Variants in PLEKHA7 observed in about 807,000 individuals in gnomAD.
PLEKHA7 encodes the protein pleckstrin homology domain-containing family A member 7.
A neutral mutation model predicts 170.0 loss-of-function variants in PLEKHA7; 104 were observed. The observed-to-expected ratio is 0.61, with a 90% CI of 0.52 to 0.72. The LOEUF (loss-of-function observed/expected upper bound fraction) is 0.72, where lower values mean the gene tolerates loss of function less well. PLEKHA7 is among the 30% of genes least tolerant of loss of function. The pLI is 0.00. For missense variants in PLEKHA7, 1,615 were observed against 1,671.7 expected (o/e 0.97, Z 0.59); for synonymous variants, 648 against 660.8 (o/e 0.98, Z 0.30).
intron 3 of PLEKHA7, among the ~76,000 whole-genome samples, chr11:16,932,069 T>C (rs191937453): frequency 2.0e-5 from 3 of 152,240 alleles, no homozygotes; most frequent in East Asian, 1.9e-4. Flanking sequence ...TGAACTCTCA[T>C]AGATGTGAGT....
intron 3 of PLEKHA7, among the ~76,000 whole-genome samples, chr11:16,922,705 C>G (rs1040193536): frequency 6.6e-6 from 1 of 152,190 alleles, no homozygotes; most frequent in African/African-American, 2.4e-5. Flanking sequence ...GCCTAGGGAG[C>G]TTCTCCTGCC....
chr11:16,991,886 A>C (rs1864066596), intron 3 of PLEKHA7, among the ~76,000 whole-genome samples: 1 of 152,178 alleles, frequency 6.6e-6, no homozygotes, highest in South Asian at 2.1e-4. Flanking sequence ...GGCAGATGAC[A>C]GTGGCGTGGA....
Position 16,801,819 on chromosome 11 carries a change from T to C in PLEKHA7, c.2158-2A>G, listed in dbSNP as rs747784811. ...CTCCAGCACAGATTCTAGCTGGTCC[T>C]GCACCACGAAGGGCCAAAAAACAGC... On this transcript the variant is annotated splice_acceptor_variant, in intron 15 of 26. Transcript: ENST00000531066. LOFTEE classifies it high-confidence loss of function. 3 of 1,613,990 alleles carry C rather than the reference T, an allele frequency of 1.9e-6. No homozygotes were observed. The highest frequency in any genetic ancestry group is 2.5e-6 in the Non-Finnish European group (3 of 1,179,978).
intron 3 of PLEKHA7, among the ~76,000 whole-genome samples, chr11:17,003,533 C>T (rs1864804858): frequency 6.6e-6 from 1 of 152,156 alleles, no homozygotes. Flanking sequence ...CTTGCTAAAC[C>T]CTTTCCATCC....
In PLEKHA7 at chr11:16,791,225, T is replaced by C. The variant is rs771389069; in HGVS notation, c.2746-26A>G. 2.6e-6 allele frequency: 4 copies of C among 1,557,008 alleles called. No individual in the cohort carries two copies. Among genetic ancestry groups the C allele is most frequent in the Admixed American group, 3.8e-5 (2 of 52,814 alleles). On this transcript the variant is annotated intron_variant, in intron 19 of 26. Coordinates refer to ENST00000531066, the MANE Select transcript of PLEKHA7 (RefSeq NM_001329630.2). The surrounding 1 kb of genome is among the most constrained non-coding windows in gnomAD (Gnocchi z 4.5). ...CTGCTGAGAAAGAGAACCAGACCAG[T>C]GGTCAGCGAGACGGAGCTGGAGGGA... is the stretch of plus-strand genomic sequence containing the variant.
intron 3 of PLEKHA7, among the ~76,000 whole-genome samples, chr11:16,931,204 C>T (rs1356676268): frequency 4.6e-5 from 7 of 152,146 alleles, no homozygotes; most frequent in South Asian, 4.2e-4. Flanking sequence ...AGAACAACCC[C>T]ACGTTAGAAA....
At chr11:16,976,019 G>A (rs1298945611) in intron 3 of PLEKHA7, among the ~76,000 whole-genome samples, 1 of 152,210 alleles carries the variant, frequency 6.6e-6, no homozygotes, top group Non-Finnish European at 1.5e-5. Context: ...ACTCATGAAT[G>A]GTCTGCATCC....
Position 16,817,031 on chromosome 11 carries a change from G to C in PLEKHA7, c.1635C>G (p.Ser545=). 4 of 1,605,464 alleles carry C rather than the reference G, an allele frequency of 2.5e-6. No individual in the cohort carries two copies. Among genetic ancestry groups the C allele is most frequent in the Non-Finnish European group, 3.4e-6 (4 of 1,174,862 alleles). The change falls in exon 11 of 27, where the codon TCC becomes TCG. Residue 545 remains serine (S), a synonymous_variant. Transcript: ENST00000531066. This position sits in a 1 kb window ranked among gnomAD's most constrained non-coding sequence, Gnocchi z 4.4. ...GSPTAPICLG[S]PEFTDQGRSR... ...TCCGGCCCTGGTCGGTGAACTCTGG[G>C]GAGCCAAGGCAGATGGGCGCTGTGG...
chr11:16,855,363 C>T (rs531553114), intron 5 of PLEKHA7, among the ~76,000 whole-genome samples: 2 of 152,184 alleles, frequency 1.3e-5, no homozygotes. Flanking sequence ...CTGGGTTCAA[C>T]CCTCAGCACT....
At chr11:16,907,264 G>A (rs1202921209) in intron 3 of PLEKHA7, among the ~76,000 whole-genome samples, 1 of 142,966 alleles carries the variant, frequency 7.0e-6, no homozygotes, top group Non-Finnish European at 1.5e-5. Flanking sequence ...GATGTGGGGG[G>A]GTCAGCCCCC....
chr11:16,981,476 C>G (rs1863423757), intron 3 of PLEKHA7, among the ~76,000 whole-genome samples: 1 of 152,116 alleles, frequency 6.6e-6, no homozygotes, highest in Non-Finnish European at 1.5e-5. Flanking sequence ...CTGCTCTTCA[C>G]CCCTCAGTGA....
At chr11:16,953,292 C>G (rs1193314420) in intron 3 of PLEKHA7, among the ~76,000 whole-genome samples, 2 of 152,144 alleles carry the variant, frequency 1.3e-5, no homozygotes, top group Admixed American at 1.3e-4. Flanking sequence ...CAGCAAAATG[C>G]CTTGTACTGA....
intron 3 of PLEKHA7, among the ~76,000 whole-genome samples, chr11:16,977,511 G>T (rs949867591): frequency 5.3e-5 from 8 of 152,168 alleles, no homozygotes; most frequent in Non-Finnish European, 1.2e-4. Flanking sequence ...CTTTAGGTAA[G>T]AATGAATGAC....
At chr11:16,963,965 C>A (rs1180203973) in intron 3 of PLEKHA7, among the ~76,000 whole-genome samples, 2 of 152,218 alleles carry the variant, frequency 1.3e-5, no homozygotes, top group Non-Finnish European at 2.9e-5. Flanking sequence ...TTATCAACAA[C>A]CCCCGATTTC....
chr11:16,992,475 C>A (rs901120090), intron 3 of PLEKHA7, among the ~76,000 whole-genome samples: 9 of 152,162 alleles, frequency 5.9e-5, no homozygotes, highest in African/African-American at 2.2e-4. Context: ...TCAATATGGG[C>A]TGGGTGCAGT....
At position 16,788,724 on chromosome 11, in the gene PLEKHA7, T is replaced by C. The variant is rs189730563; in HGVS notation, c.3357+372A>G. 32 of 310,416 alleles carry C rather than the reference T, an allele frequency of 1.0e-4. 1 individual carries two copies. The East Asian group carries it at 2.5e-3, about 24-fold the overall frequency. The allele number at this position is 310,416 out of a possible 1,614,324, so 19.2% of individuals were successfully genotyped here. On this transcript the variant is annotated intron_variant, in intron 23 of 26. Coordinates refer to ENST00000531066, the MANE Select transcript of PLEKHA7 (RefSeq NM_001329630.2). ...TCTGGGAGGCTGATCAGTTTGCTTG[T>C]GCTTCTAACCAAATCATGTCACCAT...
chr11:16,931,670 C>G (rs1033259086), intron 3 of PLEKHA7, among the ~76,000 whole-genome samples: 2 of 151,536 alleles, frequency 1.3e-5, no homozygotes, highest in Non-Finnish European at 2.9e-5. Flanking sequence ...GCTGAGAATG[C>G]CTTGAACCCA....
intron 8 of PLEKHA7, among the ~76,000 whole-genome samples, chr11:16,847,981 T>C (rs1234835450): frequency 2.0e-5 from 3 of 150,046 alleles, no homozygotes; most frequent in African/African-American, 4.9e-5. Context: ...TGCAGAGGAG[T>C]TCCAAGGCTG....
chr11:16,889,416 A>ATATAT (rs1160462846), intron 3 of PLEKHA7, among the ~76,000 whole-genome samples: 78 of 109,762 alleles, frequency 7.1e-4, no homozygotes, highest in African/African-American at 2.7e-3. Flanking sequence ...AAAAAAAAAA[A>ATATAT]AAAAATATAT....
Sources: gnomAD v4.1 joint callset for allele counts (sites outside exome capture counted in the v4.1 genomes callset) on GRCh38, gnomAD v4.1.1 for gene constraint, Gnocchi (gnomAD v3.1) non-coding constraint, MANE v1.5 for transcripts, NCBI Gene and HGNC (gene_info 2026-07-23, HGNC 2026-07-21) for gene names.